Variants in GABRA3 observed in about 807,000 individuals in gnomAD.
GABRA3 encodes gamma-aminobutyric acid type A receptor subunit alpha3.
In GABRA3, 10 loss-of-function variants were observed where a neutral mutation model predicts 30.1. That is an observed-to-expected ratio of 0.33 (90% confidence interval 0.20 to 0.56). The LOEUF is 0.56. Among genes scored for constraint, GABRA3 ranks in the 20% least tolerant of loss-of-function variants. The pLI is 0.89. For synonymous variants in GABRA3, 151 were observed against 146.8 expected (o/e 1.03, Z -0.21); for missense variants, 233 against 392.0 (o/e 0.59, Z 3.42).
At chrX:152,349,625 T>C (rs775752055) in intron 2 of GABRA3, among the ~76,000 whole-genome samples, 59 of 102,726 alleles carry the variant, frequency 5.7e-4, no homozygotes, top group Non-Finnish European at 1.1e-3. Flanking sequence ...ACCAAGCAAA[T>C]GGAAAACAAA....
At chrX:152,350,694 G>T (rs980437538) in intron 2 of GABRA3, among the ~76,000 whole-genome samples, 1 of 111,685 alleles carries the variant, frequency 9.0e-6, no homozygotes, top group African/African-American at 3.3e-5. Context: ...TCTGAATCAT[G>T]AATGCTCTTA....
At chrX:152,377,375 T>G (rs535207615) in intron 1 of GABRA3, among the ~76,000 whole-genome samples, 2 of 111,146 alleles carry the variant, frequency 1.8e-5, no homozygotes, top group East Asian at 2.8e-4. Context: ...TTAATGTAAA[T>G]TAACACAGCA....
In GABRA3 at chrX:152,301,002, A is replaced by G. The variant is rs1273652474; in HGVS notation, c.263-16267T>C. Among the ~76,000 whole-genome samples, 3 of 112,356 alleles carry G rather than the reference A, an allele frequency of 2.7e-5. No homozygotes were observed. The Admixed American group carries it at 2.8e-4, about 11-fold the overall frequency. On this transcript the variant is annotated intron_variant, in intron 3 of 9. Coordinates refer to ENST00000370314, the MANE Select transcript of GABRA3 (RefSeq NM_000808.4). ...AAACTTCCAAAATCTGATAGACTAC[A>G]TCAATGTACAGAATCAATATGCTCA...
At chrX:152,383,036 AT>A (rs974151424) in intron 1 of GABRA3, among the ~76,000 whole-genome samples, 25 of 110,496 alleles carry the variant, frequency 2.3e-4, no homozygotes, top group Non-Finnish European at 4.3e-4. Context: ...AAATTTAATG[AT>A]TTTTTTTCAA....
chrX:152,187,627 A>G (rs1339999444), intron 9 of GABRA3, among the ~76,000 whole-genome samples: 1 of 111,853 alleles, frequency 8.9e-6, no homozygotes, highest in Non-Finnish European at 1.9e-5. Context: ...CTTACTAGTC[A>G]GAAGTAGAAT....
chrX:152,188,348 T>A (rs1418955855), intron 9 of GABRA3, among the ~76,000 whole-genome samples: 2 of 111,471 alleles, frequency 1.8e-5, no homozygotes, highest in Non-Finnish European at 3.8e-5. Flanking sequence ...AATTATAGGA[T>A]TTACAGTTGC....
Position 152,364,531 on chromosome X carries a change from G to A in GABRA3, c.40C>T (p.Leu14Phe). The A allele has an allele frequency of 8.3e-7, 1 of 1,208,787 alleles. No homozygotes were observed. The part of the protein sequence containing the change: ...TQTSHCYMTS[L>F]GILFLINILP... ...ATATTAATCAGGAAAAGAATCCCAAGGCTGGTCATGTAACAGTGACTTGTT... is the reference window on the plus strand; with the variant it reads ...ATATTAATCAGGAAAAGAATCCCAAAGCTGGTCATGTAACAGTGACTTGTT... Residue 14 changes from leucine to phenylalanine, a missense_variant, in exon 2 of 10, where the codon CTT becomes TTT. By Grantham distance (22) the Leu-to-Phe change is conservative (BLOSUM62 0). Around this residue, in one of 6 missense-constraint regions of GABRA3, gnomAD observed 69 missense variants for 79.4 expected, o/e 0.87. Transcript: ENST00000370314.
chrX:152,397,332 T>C (rs894665090), intron 1 of GABRA3, among the ~76,000 whole-genome samples: 2 of 112,497 alleles, frequency 1.8e-5, no homozygotes, highest in African/African-American at 6.5e-5. Context: ...AGGACTATAG[T>C]AGACATATGG....
chrX:152,411,179 G>T (rs1489680804), intron 1 of GABRA3, among the ~76,000 whole-genome samples: 1 of 110,455 alleles, frequency 9.1e-6, no homozygotes, highest in Non-Finnish European at 1.9e-5. Context: ...GGTGGGCATG[G>T]TGGTATGTGC....
chrX:152,383,981 A>T (rs796573604), intron 1 of GABRA3, among the ~76,000 whole-genome samples: 2 of 109,493 alleles, frequency 1.8e-5, no homozygotes, highest in East Asian at 5.7e-4. Context: ...CACAAAAAAA[A>T]AAAAAAAAAG....
chrX:152,251,105 G>C (rs933367642), intron 5 of GABRA3: 2 of 329,079 alleles, frequency 6.1e-6, no homozygotes, highest in African/African-American at 2.7e-5. Flanking sequence ...CACCTTCCTG[G>C]ATCCAAGGTG....
chrX:152,449,575 G>A (rs1931170527), intron 1 of GABRA3, among the ~76,000 whole-genome samples: 1 of 111,384 alleles, frequency 9.0e-6, no homozygotes, highest in African/African-American at 3.3e-5. Context: ...CTTTTGGGCA[G>A]CCCCTCCAGA....
chrX:152,189,827 A>G lies in GABRA3; in HGVS notation c.1046T>C (p.Val349Ala). Residue 349 changes from valine to alanine, a missense_variant, in exon 9 of 10, where the codon GTA (valine) becomes GCA (alanine). Around this residue, in one of 6 missense-constraint regions of GABRA3, gnomAD observed 20 missense variants for 84.3 expected, o/e 0.24. Transcript: ENST00000370314. ...GGCAAATTCAATCAGTGCAGAAAAT[A>G]CAAAGGCATAACAGACGGCTATGAA... ...DWFIAVCYAF[V>A]FSALIEFATV... 1 of 1,209,569 alleles carries G rather than the reference A, an allele frequency of 8.3e-7. No homozygotes were observed. Among genetic ancestry groups the G allele is most frequent in the Non-Finnish European group, 1.1e-6 (1 of 893,861 alleles).
intron 1 of GABRA3, among the ~76,000 whole-genome samples, chrX:152,406,571 A>AATATATATATAT (rs61577907): frequency 8.4e-5 from 8 of 95,575 alleles, no homozygotes; most frequent in East Asian, 3.3e-4. Context: ...CTAACACTGG[A>AATATATATATAT]ATATATATAT....
chrX:152,409,456 G>T (rs1292210795), intron 1 of GABRA3, among the ~76,000 whole-genome samples: 1 of 111,687 alleles, frequency 9.0e-6, no homozygotes, highest in East Asian at 2.8e-4. Context: ...CAGGACATTG[G>T]TCTGTGCAAA....
intron 9 of GABRA3, among the ~76,000 whole-genome samples, chrX:152,187,015 A>G (rs1937264674): frequency 8.9e-6 from 1 of 111,962 alleles, no homozygotes; most frequent in African/African-American, 3.3e-5. Context: ...ATGAGGTTAG[A>G]TAATTTCTCA....
chrX:152,395,944 T>A (rs1359294613), intron 1 of GABRA3, among the ~76,000 whole-genome samples: 1 of 111,850 alleles, frequency 8.9e-6, no homozygotes, highest in African/African-American at 3.2e-5. Context: ...TAAAAGCAAA[T>A]GTCTCCAAAT....
Position 152,224,838 on chromosome X carries a change from T to C in GABRA3, c.559A>G (p.Ile187Val), listed in dbSNP as rs1420749654. The change falls in exon 6 of 10, where the codon ATT becomes GTT. Residue 187 changes from isoleucine (I) to valine (V), a missense_variant. Coordinates refer to ENST00000370314, the MANE Select transcript of GABRA3 (RefSeq NM_000808.4). ...AAATGCATGGGACACTCAGCATGAA[T>C]TGTTAACCTAAAAGAAAGGCAAACA... ...GTLLYTMRLT[I>V]HAECPMHLED... 3 of 1,173,173 alleles carry C rather than the reference T, an allele frequency of 2.6e-6. No homozygotes were observed. The highest frequency in any genetic ancestry group is 3.5e-6 in the Non-Finnish European group (3 of 866,920).
In GABRA3 at chrX:152,414,731, C is replaced by G. The variant is rs140158684; in HGVS notation, c.-27+36415G>C. 5.3e-3 allele frequency among the ~76,000 whole-genome samples: 576 copies of G among 109,469 alleles called. 5 individuals are homozygous for G. The highest frequency in any genetic ancestry group is 0.018 in the African/African-American group (550 of 30,180). On this transcript the variant is annotated intron_variant, in intron 1 of 9. Coordinates refer to ENST00000370314, the MANE Select transcript of GABRA3 (RefSeq NM_000808.4). Reference sequence around the variant, plus strand: ...GTTTATTTACAAGCAAAAGCCTACACAAAAATGTTTATAGCAGCTTTGCTC... The same window carrying G: ...GTTTATTTACAAGCAAAAGCCTACAGAAAAATGTTTATAGCAGCTTTGCTC...
Sources: allele counts gnomAD v4.1 joint callset (sites outside exome capture counted in the v4.1 genomes callset), GRCh38; gene constraint gnomAD v4.1.1; regional missense constraint gnomAD v4.1.1; transcripts MANE v1.5; gene names NCBI Gene and HGNC (gene_info 2026-07-23, HGNC 2026-07-21).